ERCC1: variants seen among roughly 807,000 people sequenced by gnomAD.
ERCC1 encodes the protein DNA excision repair protein ERCC-1.
In ERCC1, 36 loss-of-function variants were observed where a neutral mutation model predicts 37.6. That is an observed-to-expected ratio of 0.96 (90% CI 0.73 to 1.26). The LOEUF is 1.26. Among genes scored for constraint, ERCC1 ranks in the 50% most tolerant of loss-of-function variants. The pLI is 0.00. For missense variants in ERCC1, 349 were observed against 376.5 expected, an observed-to-expected ratio of 0.93 and a Z score of 0.60; for synonymous variants, 156 against 162.1, an observed-to-expected ratio of 0.96 and a Z score of 0.28.
chr19:45,438,033 G>A (rs1293734850), intron 1 of ERCC1, among the ~76,000 whole-genome samples: 6 of 151,554 alleles, frequency 4.0e-5, no homozygotes, highest in South Asian at 2.1e-4. Context: ...TCCGCCTCCC[G>A]AGTAGCTGGG....
intron 1 of ERCC1, among the ~76,000 whole-genome samples, chr19:45,437,453 G>A (rs989021519): frequency 2.6e-5 from 4 of 152,116 alleles, no homozygotes; most frequent in Non-Finnish European, 5.9e-5. Context: ...GTCAACCTAA[G>A]TGTCCATCAA....
intron 9 of ERCC1, chr19:45,410,562 T>C (rs1568573890): frequency 7.0e-6 from 1 of 141,954 alleles, no homozygotes; most frequent in Non-Finnish European, 1.5e-5. Flanking sequence ...ATTCATTCTT[T>C]CTTTGTGTGT....
Position 45,416,805 on chromosome 19 carries a change from G to A in ERCC1, c.602+16C>T, listed in dbSNP as rs1974097385. 1 of 1,604,550 alleles carries A rather than the reference G, an allele frequency of 6.2e-7. No homozygotes were observed. The highest frequency in any genetic ancestry group is 2.2e-5 in the East Asian group (1 of 44,840). On this transcript the variant is annotated intron_variant, in intron 6 of 9. Transcript: ENST00000300853. ...CCAGGTGGAGCCTGAATGAGGCAGG[G>A]AAGCCCTCATCTCACCTCCAGGCGA...
rs755564178 is a variant in ERCC1 at position 45,420,346 on chromosome 19, T to C, written c.403A>G (p.Ser135Gly). 8 of 1,613,226 alleles carry C rather than the reference T, an allele frequency of 5.0e-6. No homozygotes were observed. The highest frequency in any genetic ancestry group is 6.8e-6 in the Non-Finnish European group (8 of 1,179,534). The stretch of plus-strand genomic sequence containing the variant: ...CACCTGAGGAACAGGGCACAGGTGC[T>C]CTGGCCCAGCACATAGTCGGGAATT... Reference protein sequence around the residue: ...DVIPDYVLGQSTCALFLSLRY... With the variant: ...DVIPDYVLGQGTCALFLSLRY... The change falls in exon 4 of 10, where the codon AGC becomes GGC. Residue 135 changes from serine (S) to glycine (G), a missense_variant. Coordinates refer to ENST00000300853, the MANE Select transcript of ERCC1 (RefSeq NM_001983.4). This position sits in a 1 kb window ranked among gnomAD's most constrained non-coding sequence, Gnocchi z 4.8.
rs1404270562 is a variant in ERCC1 at position 45,409,648 on chromosome 19, TG to T, written c.*26del. On this transcript the variant is annotated 3_prime_UTR_variant, in exon 10 of 10. Transcript: ENST00000300853. The stretch of plus-strand genomic sequence containing the variant: ...CTGGGAGGACGATTTATTATTACAC[TG>T]GGGGTTTCCTTGGCAGCTGGGGTCA... 7 of 1,441,630 alleles carry T rather than the reference TG, an allele frequency of 4.9e-6. No individual in the cohort carries two copies. In the Admixed American group the frequency reaches 8.5e-5, roughly 17 times the overall value. 89.3% of individuals were successfully genotyped at this position (1,441,630 alleles called of 1,614,324 possible).
In ERCC1 at chr19:45,439,948, T is replaced by G. The variant is rs532389278; in HGVS notation, c.-7-16567A>C. Among the ~76,000 whole-genome samples the G allele has an allele frequency of 2.0e-5, 3 of 152,142 alleles. No individual in the cohort carries two copies. The South Asian group carries it at 6.2e-4, about 31-fold the overall frequency. On this transcript the variant is annotated intron_variant, in intron 1 of 8. Transcript: ENST00000423698. Reference sequence around the variant, plus strand: ...GCTCCGCTAAAAATAGTTGCCGCGCTCCGAGCCGAGCCCGAAATAGCGGCC... The same window carrying G: ...GCTCCGCTAAAAATAGTTGCCGCGCGCCGAGCCGAGCCCGAAATAGCGGCC...
At chr19:45,423,201 G>A (rs1974545309) in intron 2 of ERCC1, 69 bp downstream of exon 2, 3 of 1,473,150 alleles carry the variant, frequency 2.0e-6, no homozygotes, top group Non-Finnish European at 2.8e-6. Flanking sequence ...TGGTCCCACA[G>A]GCCCCATCCT....
chr19:45,413,297 C>T (rs1171295766), intron 9 of ERCC1: 10 of 486,800 alleles, frequency 2.1e-5, no homozygotes, highest in East Asian at 7.0e-5. Flanking sequence ...GAGACAGGAT[C>T]GCTCTGTCAC....
chr19:45,435,972 GC>G (rs1974964705), intron 1 of ERCC1, among the ~76,000 whole-genome samples: 1 of 152,096 alleles, frequency 6.6e-6, no homozygotes, highest in Non-Finnish European at 1.5e-5. Context: ...CACCATGGTG[GC>G]CAGGTTGGTC....
Position 45,408,410 on chromosome 19 carries a change from C to T in ERCC1, c.*1265G>A, listed in dbSNP as rs745611241. 9.9e-6 allele frequency: 16 copies of T among 1,613,448 alleles called. No homozygotes were observed. Among genetic ancestry groups the T allele is most frequent in the Admixed American group, 1.7e-5 (1 of 59,984 alleles). ...ACAGATCCCTCCTGGCCTGAGGCCT[C>T]GGTTCTGTGCCTTTGGGGGCAACCC... On this transcript the variant is annotated 3_prime_UTR_variant, in exon 10 of 10. Transcript: ENST00000300853.
intron 1 of ERCC1, among the ~76,000 whole-genome samples, chr19:45,447,480 G>T (rs981579391): frequency 6.6e-6 from 1 of 151,832 alleles, no homozygotes. Flanking sequence ...TCACCATGTC[G>T]GTCAGGCTGG....
At position 45,423,261 on chromosome 19, in the gene ERCC1, TTG is replaced by T. The variant is rs1310784818; in HGVS notation, c.105+7_105+8del. On this transcript the variant is annotated splice_region_variant and intron_variant, in intron 2 of 9. Coordinates refer to ENST00000300853, the MANE Select transcript of ERCC1 (RefSeq NM_001983.4). ...AGCCTCCCAGGGGCCCCGCATCTCC[TTG>T]TCCTACCACTCCAGGAGGGACCTCA... 1.9e-6 allele frequency: 3 copies of T among 1,611,640 alleles called. No homozygotes were observed. Among genetic ancestry groups the T allele is most frequent in the Non-Finnish European group, 2.5e-6 (3 of 1,179,112 alleles).
At chr19:45,431,115 G>A (rs1974820551) in intron 1 of ERCC1, among the ~76,000 whole-genome samples, 1 of 152,056 alleles carries the variant, frequency 6.6e-6, no homozygotes, top group Non-Finnish European at 1.5e-5. Context: ...ACCATGCCCG[G>A]CTAATTTTTT....
upstream of ERCC1, among the ~76,000 whole-genome samples, chr19:45,426,223 A>G (rs943243639): frequency 1.3e-5 from 2 of 151,926 alleles, no homozygotes; most frequent in African/African-American, 4.8e-5. Context: ...TACTAAAAAT[A>G]CTAAAATTAG....
chr19:45,423,467 C>A, intron 1 of ERCC1, 86 bp from the exon 2 acceptor site: 3 of 1,527,862 alleles, frequency 2.0e-6, no homozygotes, highest in Non-Finnish European at 2.6e-6. Flanking sequence ...ACAGCCGTCC[C>A]CCACAAAACT....
Position 45,444,860 on chromosome 19 carries a change from C to G in ERCC1, c.-7-21479G>C, listed in dbSNP as rs181345475. Among the ~76,000 whole-genome samples the G allele has an allele frequency of 3.7e-4, 56 of 152,284 alleles. No individual in the cohort carries two copies. The East Asian group carries it at 9.4e-3, about 26-fold the overall frequency. ...ACTCAGTTCGAGGGACTTCCCCTCT[C>G]TGACTCTGTTTCTGTATTTGTAAAA... On this transcript the variant is annotated intron_variant, in intron 1 of 8. Coordinates refer to the ERCC1 transcript ENST00000423698.
intron 5 of ERCC1, among the ~76,000 whole-genome samples, chr19:45,417,595 G>A (rs542145274): frequency 2.0e-5 from 3 of 152,230 alleles, no homozygotes; most frequent in South Asian, 4.1e-4. Context: ...TCTTAGAGAC[G>A]GGCCTGGAGA....
rs114067808 is a variant in ERCC1 at position 45,438,254 on chromosome 19, G to A, written c.-7-14873C>T. On this transcript the variant is annotated intron_variant, in intron 1 of 8. Transcript: ENST00000423698. ...TTTTTATTATTGTGCTTTTTGTAGA[G>A]ATGGCATCTCACTACATTGCCCAGA... 2.9e-3 allele frequency among the ~76,000 whole-genome samples: 436 copies of A among 152,122 alleles called. 1 individual carries two copies. Among genetic ancestry groups the A allele is most frequent in the African/African-American group, 9.4e-3 (392 of 41,512 alleles).
At position 45,409,220 on chromosome 19, in the gene ERCC1, C is replaced by T. The variant is rs1973534600; in HGVS notation, c.*455G>A. ...GGATGACCTTGAGCCTCAGGCAGCTCCCACATCCACCAAGAAGAAGAAGAA... is the reference window on the plus strand; with the variant it reads ...GGATGACCTTGAGCCTCAGGCAGCTTCCACATCCACCAAGAAGAAGAAGAA... On this transcript the variant is annotated 3_prime_UTR_variant, in exon 10 of 10. Coordinates refer to ENST00000300853, the MANE Select transcript of ERCC1 (RefSeq NM_001983.4). 6.2e-7 allele frequency: 1 copy of T among 1,610,916 alleles called. No individual in the cohort carries two copies.
Sources: gnomAD v4.1 joint callset for allele counts (sites outside exome capture counted in the v4.1 genomes callset) on GRCh38, gnomAD v4.1.1 for gene constraint, Gnocchi (gnomAD v3.1) non-coding constraint, MANE v1.5 for transcripts, NCBI Gene and HGNC (gene_info 2026-07-23, HGNC 2026-07-21) for gene names.